Variants in AFTPH observed in about 807,000 individuals in gnomAD.
AFTPH encodes the protein aftiphilin, also known as aftiphilin protein.
AFTPH carries 7 observed loss-of-function variants against 72.5 expected under a neutral mutation model. The observed-to-expected ratio is 0.10, with a 90% CI of 0.05 to 0.18. AFTPH has a LOEUF of 0.18. Ranked by LOEUF, AFTPH falls within the 10% of genes least tolerant of loss-of-function variation. The pLI is 1.00. For synonymous variants in AFTPH, 337 were observed against 370.1 expected, an observed-to-expected ratio of 0.91 and a Z score of 1.03; for missense variants, 979 against 1,060.5, an observed-to-expected ratio of 0.92 and a Z score of 1.07.
chr2:64,524,329 C>G, exon 1 of AFTPH: 1 of 399,776 alleles, frequency 2.5e-6, no homozygotes, highest in Non-Finnish European at 4.4e-6. Flanking sequence ...GGTTCCCCCG[C>G]TGCATGATGG....
intron 1 of AFTPH, among the ~76,000 whole-genome samples, chr2:64,551,125 C>G (rs1258811747): frequency 6.6e-6 from 1 of 152,154 alleles, no homozygotes; most frequent in East Asian, 1.9e-4. Flanking sequence ...AATTTTGTAG[C>G]TGTACTTTTG....
At chr2:64,569,059 CTGT>C in intron 3 of AFTPH, 30 bp from the exon 4 acceptor site, 2 of 1,613,196 alleles carry the variant, frequency 1.2e-6, no homozygotes, top group Non-Finnish European at 1.7e-6. Flanking sequence ...ATTGAGTAAC[CTGT>C]TGTTGATGGC....
At chr2:64,575,272 C>T (rs1672692931) in intron 6 of AFTPH, among the ~76,000 whole-genome samples, 1 of 152,132 alleles carries the variant, frequency 6.6e-6, no homozygotes, top group Non-Finnish European at 1.5e-5. Context: ...GCTAAGATGC[C>T]TGACCTCCAT....
intron 3 of AFTPH, among the ~76,000 whole-genome samples, chr2:64,568,414 T>C (rs1300140728): frequency 2.6e-5 from 4 of 152,206 alleles, no homozygotes; most frequent in African/African-American, 9.6e-5. Flanking sequence ...CACCTTATCA[T>C]TCTGCTCCCA....
chr2:64,546,041 C>G (rs988891452), intron 1 of AFTPH, among the ~76,000 whole-genome samples: 1 of 151,784 alleles, frequency 6.6e-6, no homozygotes, highest in African/African-American at 2.4e-5. Flanking sequence ...TACAGGCACC[C>G]GCCACCACGC....
exon 2 of AFTPH, chr2:64,552,022 C>A (rs764918228): frequency 1.1e-5 from 18 of 1,613,760 alleles, no homozygotes; most frequent in African/African-American, 4.0e-5. Flanking sequence ...GAGATTCTAA[C>A]AAATGGGTTT....
At chr2:64,566,387 A>G (rs1369576410) in intron 2 of AFTPH, among the ~76,000 whole-genome samples, 2 of 152,190 alleles carry the variant, frequency 1.3e-5, no homozygotes, top group Admixed American at 6.5e-5. Flanking sequence ...ACAGCTTCCA[A>G]AAGAGATTTG....
intron 1 of AFTPH, among the ~76,000 whole-genome samples, chr2:64,536,649 G>A (rs1218856824): frequency 4.0e-5 from 6 of 151,180 alleles, no homozygotes; most frequent in Non-Finnish European, 5.9e-5. Context: ...AATATAAGTA[G>A]GAGAATCAAA....
intron 1 of AFTPH, among the ~76,000 whole-genome samples, chr2:64,526,066 G>A (rs893394677): frequency 6.6e-6 from 1 of 152,164 alleles, no homozygotes; most frequent in African/African-American, 2.4e-5. Flanking sequence ...CACATAATAT[G>A]TAGGGCATTT....
rs748642514 is a variant in AFTPH at position 64,551,740 on chromosome 2, A to T, written c.266A>T (p.Asp89Val). Residue 89 changes from aspartate to valine, a missense_variant, in exon 2 of 9, where the codon GAT becomes GTT. Coordinates refer to ENST00000238856, the Ensembl canonical transcript of AFTPH. ...TTTAAGTCCATTAAAAATGGTAATG[A>T]TAAGGACATCACTGCTGAACTTTCT... The T allele has an allele frequency of 6.2e-6, 10 of 1,613,710 alleles. No individual in the cohort carries two copies. In the East Asian group the frequency reaches 2.2e-4, roughly 36 times the overall value.
At chr2:64,558,638 A>G (rs1313514784) in intron 2 of AFTPH, among the ~76,000 whole-genome samples, 2 of 152,226 alleles carry the variant, frequency 1.3e-5, no homozygotes, top group African/African-American at 4.8e-5. Context: ...CCACCATACA[A>G]TTCAAAAACA....
At chr2:64,577,591 G>T (rs1361148608) in intron 6 of AFTPH, among the ~76,000 whole-genome samples, 1 of 152,156 alleles carries the variant, frequency 6.6e-6, no homozygotes, top group African/African-American at 2.4e-5. Context: ...ATTCAGTGTT[G>T]AATATGCCCA....
intron 8 of AFTPH, among the ~76,000 whole-genome samples, chr2:64,589,932 C>G (rs1673717342): frequency 1.1e-5 from 1 of 90,526 alleles, no homozygotes; most frequent in Non-Finnish European, 2.1e-5. Context: ...TTTTCCTATG[C>G]AAATACATAT....
chr2:64,560,435 A>G (rs1671651949), intron 2 of AFTPH, among the ~76,000 whole-genome samples: 2 of 152,246 alleles, frequency 1.3e-5, no homozygotes, highest in Non-Finnish European at 2.9e-5. Context: ...CTGATAGGAA[A>G]ATGAATATAC....
chr2:64,539,398 T>C (rs1307503785), intron 1 of AFTPH, among the ~76,000 whole-genome samples: 1 of 152,212 alleles, frequency 6.6e-6, no homozygotes, highest in African/African-American at 2.4e-5. Flanking sequence ...TTGCATATAA[T>C]GTACTGCCCC....
At chr2:64,548,163 G>A (rs1302699171) in intron 1 of AFTPH, among the ~76,000 whole-genome samples, 1 of 145,794 alleles carries the variant, frequency 6.9e-6, no homozygotes, top group Non-Finnish European at 1.5e-5. Context: ...GGAGGCCGAG[G>A]CGGGTGGATC....
intron 1 of AFTPH, among the ~76,000 whole-genome samples, chr2:64,533,939 GTGACA>G (rs1669758593): frequency 6.6e-6 from 1 of 152,052 alleles, no homozygotes; most frequent in African/African-American, 2.4e-5. Flanking sequence ...ATCATTCTAA[GTGACA>G]TGTGATACTT....
chr2:64,545,327 A>G (rs1248114227), intron 1 of AFTPH, among the ~76,000 whole-genome samples: 2 of 151,862 alleles, frequency 1.3e-5, no homozygotes, highest in African/African-American at 4.8e-5. Context: ...ATCCTAGATA[A>G]ATGAAAACTT....
intron 2 of AFTPH, among the ~76,000 whole-genome samples, chr2:64,561,702 A>G (rs1479155195): frequency 6.6e-6 from 1 of 152,142 alleles, no homozygotes; most frequent in East Asian, 1.9e-4. Flanking sequence ...AAATCAAGTA[A>G]TTGCTGTAAC....
Sources: gnomAD v4.1 joint callset for allele counts (sites outside exome capture counted in the v4.1 genomes callset) on GRCh38, gnomAD v4.1.1 for gene constraint, MANE v1.5 for transcripts, NCBI Gene and HGNC (gene_info 2026-07-23, HGNC 2026-07-21) for gene names.